Variants in ANKS1B observed in about 807,000 individuals in gnomAD.
ANKS1B encodes ankyrin repeat and sterile alpha motif domain-containing protein 1B.
ANKS1B carries 36 observed loss-of-function variants against 148.3 expected under a neutral mutation model. The ratio of observed to expected loss-of-function variants is 0.24; its 90% confidence interval spans 0.19 to 0.32. ANKS1B has a LOEUF of 0.32. ANKS1B is among the 10% of genes least tolerant of loss of function. The pLI, the probability that ANKS1B is intolerant of heterozygous loss-of-function variation, is 1.00. For missense variants in ANKS1B, 1,157 were observed against 1,542.6 expected (o/e 0.75, Z 4.19); for synonymous variants, 542 against 560.8 (o/e 0.97, Z 0.47).
chr12:99,655,514 G>C lies in ANKS1B; in HGVS notation c.1129-304C>G, dbSNP rs555933061. On this transcript the variant is annotated intron_variant, in intron 8 of 26. Coordinates refer to ENST00000683438, the MANE Select transcript of ANKS1B (RefSeq NM_001352186.2). ...TAGCAACAAATGAGAAAAATCTTATGGTTTATCAAGAATTTAGGTTTAGGC... is the reference window on the plus strand; with the variant it reads ...TAGCAACAAATGAGAAAAATCTTATCGTTTATCAAGAATTTAGGTTTAGGC... Among the ~76,000 whole-genome samples the C allele has an allele frequency of 2.0e-5, 3 of 152,116 alleles. No homozygotes were observed. In the East Asian group the frequency reaches 5.8e-4, roughly 29 times the overall value.
chr12:99,863,870 A>C (rs1441338284), intron 1 of ANKS1B, among the ~76,000 whole-genome samples: 1 of 151,872 alleles, frequency 6.6e-6, no homozygotes, highest in Non-Finnish European at 1.5e-5. Flanking sequence ...AGGAGATAGA[A>C]ACTATCCTGG....
chr12:99,328,808 A>G (rs1292896347), intron 12 of ANKS1B, among the ~76,000 whole-genome samples: 1 of 151,976 alleles, frequency 6.6e-6, no homozygotes, highest in East Asian at 1.9e-4. Flanking sequence ...AGATGTTAGA[A>G]TTGGCATATG....
intron 15 of ANKS1B, among the ~76,000 whole-genome samples, chr12:99,114,329 G>A (rs2060893503): frequency 6.6e-6 from 1 of 152,160 alleles, no homozygotes; most frequent in Non-Finnish European, 1.5e-5. Context: ...TTAGCCCAGA[G>A]GCTAATCATG....
chr12:99,776,267 T>C (rs2063636614), intron 6 of ANKS1B, among the ~76,000 whole-genome samples: 1 of 152,224 alleles, frequency 6.6e-6, no homozygotes, highest in Non-Finnish European at 1.5e-5. Flanking sequence ...GATACAGATA[T>C]AATATTAGGA....
chr12:99,468,419 G>A (rs371374370), intron 10 of ANKS1B, among the ~76,000 whole-genome samples: 49 of 152,160 alleles, frequency 3.2e-4, no homozygotes, highest in East Asian at 1.5e-3. Flanking sequence ...CAATGGCAAC[G>A]AAAGCCAAAA....
intron 1 of ANKS1B, among the ~76,000 whole-genome samples, chr12:99,877,031 T>C (rs1033011842): frequency 6.6e-6 from 1 of 152,162 alleles, no homozygotes. Flanking sequence ...AAATCACGTG[T>C]GTCTATACTG....
At chr12:98,946,046 T>G (rs755563658) in intron 17 of ANKS1B, among the ~76,000 whole-genome samples, 1 of 152,166 alleles carries the variant, frequency 6.6e-6, no homozygotes, top group Non-Finnish European at 1.5e-5. Flanking sequence ...TCAAGCCAAT[T>G]GTGGTTTTTC....
At chr12:98,988,971 ATTGAG>A (rs1466370448) in intron 17 of ANKS1B, among the ~76,000 whole-genome samples, 1 of 151,954 alleles carries the variant, frequency 6.6e-6, no homozygotes, top group African/African-American at 2.4e-5. Flanking sequence ...TTGTTTTGCT[ATTGAG>A]TTAACTGAAT....
intron 1 of ANKS1B, among the ~76,000 whole-genome samples, chr12:99,920,649 C>T (rs147479966): frequency 2.2e-3 from 335 of 152,092 alleles, no homozygotes; most frequent in African/African-American, 7.6e-3. Context: ...GCCGGTGGTG[C>T]GATTCAGACC....
At chr12:99,528,110 C>T (rs549001656) in intron 9 of ANKS1B, among the ~76,000 whole-genome samples, 13 of 152,042 alleles carry the variant, frequency 8.6e-5, no homozygotes, top group Admixed American at 1.3e-4. Context: ...CTGACAAAAA[C>T]AAGCAACGGG....
intron 17 of ANKS1B, among the ~76,000 whole-genome samples, chr12:98,883,068 T>C (rs2099717292): frequency 6.6e-6 from 1 of 152,206 alleles, no homozygotes; most frequent in Non-Finnish European, 1.5e-5. Flanking sequence ...AGTCTATTTA[T>C]TGAAAGGGTG....
rs148379100 is a variant in ANKS1B at position 99,176,925 on chromosome 12, A to G, written c.2420-22530T>C. Among the ~76,000 whole-genome samples, 27 of 152,266 alleles carry G rather than the reference A, an allele frequency of 1.8e-4. 1 individual carries two copies. Among genetic ancestry groups the G allele is most frequent in the African/African-American group, 5.5e-4 (23 of 41,546 alleles). ...TAAGCCTCTTTTCTTTATAAATTAC[A>G]TAGTCTCAGATGTTTCTTTATTGCA... On this transcript the variant is annotated intron_variant, in intron 14 of 26. Transcript: ENST00000683438.
chr12:99,002,428 T>A (rs1568297475), intron 17 of ANKS1B, among the ~76,000 whole-genome samples: 1 of 152,020 alleles, frequency 6.6e-6, no homozygotes. Flanking sequence ...GATATATGCA[T>A]ACATTGTAAA....
At chr12:99,342,991 AAAAATCAAACTGCCCT>A (rs2090154282) in intron 12 of ANKS1B, among the ~76,000 whole-genome samples, 1 of 151,986 alleles carries the variant, frequency 6.6e-6, no homozygotes, top group Admixed American at 6.6e-5. Flanking sequence ...ATCAAATAGA[AAAAATCAAACTGCCCT>A]ATTTCTGTCA....
chr12:98,791,298 T>C (rs1306953400), intron 22 of ANKS1B, among the ~76,000 whole-genome samples: 2 of 151,120 alleles, frequency 1.3e-5, no homozygotes, highest in South Asian at 4.2e-4. Context: ...TGAGCCAAGA[T>C]TGGGCCACTG....
chr12:99,097,226 A>G (rs2056471000), intron 15 of ANKS1B: 1 of 152,198 alleles, frequency 6.6e-6, no homozygotes, highest in Non-Finnish European at 1.5e-5. Flanking sequence ...AAATTCTAAT[A>G]TGCAGGATGC....
chr12:99,884,301 C>A (rs2092708926), intron 1 of ANKS1B, among the ~76,000 whole-genome samples: 1 of 152,112 alleles, frequency 6.6e-6, no homozygotes. Flanking sequence ...TGAAACATTG[C>A]TGATGGGAAT....
At chr12:98,888,629 C>T (rs951814025) in intron 17 of ANKS1B, among the ~76,000 whole-genome samples, 1 of 152,212 alleles carries the variant, frequency 6.6e-6, no homozygotes, top group Non-Finnish European at 1.5e-5. Flanking sequence ...GCACTTGTTC[C>T]CCCTGACAGA....
intron 15 of ANKS1B, among the ~76,000 whole-genome samples, chr12:99,153,838 A>C (rs888910298): frequency 1.3e-5 from 2 of 152,224 alleles, no homozygotes; most frequent in African/African-American, 4.8e-5. Flanking sequence ...AACAATTATC[A>C]GGAAAAGAAA....
Sources: gnomAD v4.1 joint callset for allele counts (sites outside exome capture counted in the v4.1 genomes callset) on GRCh38, gnomAD v4.1.1 for gene constraint, MANE v1.5 for transcripts, NCBI Gene and HGNC (gene_info 2026-07-23, HGNC 2026-07-21) for gene names.